The following KCNH1 variants were observed in gnomAD, a reference collection of about 807,000 sequenced individuals.
KCNH1 encodes voltage-gated delayed rectifier potassium channel KCNH1.
In KCNH1, 27 loss-of-function variants were observed where a neutral mutation model predicts 69.2. The ratio of observed to expected loss-of-function variants is 0.39; its 90% confidence interval spans 0.29 to 0.54. KCNH1 has a LOEUF of 0.54. Among genes scored for constraint, KCNH1 ranks in the 20% least tolerant of loss-of-function variants. KCNH1 has a pLI of 0.68. For synonymous variants in KCNH1, 456 were observed against 487.7 expected, an observed-to-expected ratio of 0.93 and a Z score of 0.86; for missense variants, 798 against 1,261.6, an observed-to-expected ratio of 0.63 and a Z score of 5.57.
At chr1:210,820,958 T>C (rs1310698948) in intron 7 of KCNH1, among the ~76,000 whole-genome samples, 2 of 152,162 alleles carry the variant, frequency 1.3e-5, no homozygotes, top group East Asian at 3.9e-4. Flanking sequence ...TCCGGAACTA[T>C]AAGGGAATAA....
intron 6 of KCNH1, among the ~76,000 whole-genome samples, chr1:210,990,079 C>G (rs1038925703): frequency 1.3e-5 from 2 of 152,202 alleles, no homozygotes; most frequent in African/African-American, 4.8e-5. Context: ...ATCTCCCCCA[C>G]CACATCCAAT....
At chr1:210,751,590 G>A (rs967284424) in intron 10 of KCNH1, among the ~76,000 whole-genome samples, 7 of 152,062 alleles carry the variant, frequency 4.6e-5, no homozygotes. Context: ...TGGTGTAGTG[G>A]GTAGGGGCCA....
At chr1:211,045,456 C>T (rs1690081245) in intron 5 of KCNH1, among the ~76,000 whole-genome samples, 1 of 151,896 alleles carries the variant, frequency 6.6e-6, no homozygotes, top group African/African-American at 2.4e-5. Flanking sequence ...AGCTGAAGAA[C>T]AAATTAAGCC....
intron 10 of KCNH1, among the ~76,000 whole-genome samples, chr1:210,697,436 A>C (rs1198370879): frequency 1.3e-5 from 2 of 152,118 alleles, no homozygotes; most frequent in Non-Finnish European, 1.5e-5. Flanking sequence ...GGGGGTTGAG[A>C]GTTCAACTTT....
At chr1:211,083,671 G>C (rs1237030439) in intron 4 of KCNH1, among the ~76,000 whole-genome samples, 1 of 152,186 alleles carries the variant, frequency 6.6e-6, no homozygotes, top group Non-Finnish European at 1.5e-5. Flanking sequence ...CCAGGCTTGG[G>C]TTTTAGGAGC....
At chr1:211,045,911 A>C (rs557163080) in intron 5 of KCNH1, among the ~76,000 whole-genome samples, 1 of 152,250 alleles carries the variant, frequency 6.6e-6, no homozygotes, top group African/African-American at 2.4e-5. Flanking sequence ...TTTTGGGTTA[A>C]TAATACAAGA....
intron 6 of KCNH1, among the ~76,000 whole-genome samples, chr1:210,947,442 G>C (rs2102595021): frequency 6.6e-6 from 1 of 152,090 alleles, no homozygotes; most frequent in East Asian, 1.9e-4. Context: ...AGGCATGGTG[G>C]CGGGCACCTG....
At chr1:211,034,424 G>A (rs114441082) in intron 5 of KCNH1, among the ~76,000 whole-genome samples, 1 of 150,524 alleles carries the variant, frequency 6.6e-6, no homozygotes, top group Non-Finnish European at 1.5e-5. Context: ...AGGAGTAAGG[G>A]CAGGAAGGAA....
In KCNH1 at chr1:211,026,026, A is replaced by C. The variant is rs189962495; in HGVS notation, c.559-6770T>G. Reference sequence around the variant, plus strand: ...GCCCCCTGGACTCACTTTGTCTCTCAAACTGTCTTTTCTCATTCCTTTGAC... The same window carrying C: ...GCCCCCTGGACTCACTTTGTCTCTCCAACTGTCTTTTCTCATTCCTTTGAC... On this transcript the variant is annotated intron_variant, in intron 5 of 10. Transcript: ENST00000271751. Among the ~76,000 whole-genome samples, 58 of 152,198 alleles carry C rather than the reference A, an allele frequency of 3.8e-4. No individual in the cohort carries two copies. In the South Asian group the frequency reaches 4.1e-3, roughly 11 times the overall value.
At chr1:210,955,502 A>G (rs891444545) in intron 6 of KCNH1, among the ~76,000 whole-genome samples, 1 of 152,086 alleles carries the variant, frequency 6.6e-6, no homozygotes, top group African/African-American at 2.4e-5. Flanking sequence ...CAGTATGGCC[A>G]TTTTCACGAT....
chr1:210,721,273 A>G (rs1682447577), intron 10 of KCNH1, among the ~76,000 whole-genome samples: 1 of 152,172 alleles, frequency 6.6e-6, no homozygotes, highest in African/African-American at 2.4e-5. Flanking sequence ...TGCATAACCC[A>G]GGCCCTACTG....
chr1:210,916,951 C>T (rs1032267550), intron 7 of KCNH1, among the ~76,000 whole-genome samples: 1 of 151,964 alleles, frequency 6.6e-6, no homozygotes, highest in South Asian at 2.1e-4. Context: ...AGTTCAAGAC[C>T]AGCCTGGCCA....
intron 5 of KCNH1, among the ~76,000 whole-genome samples, chr1:211,082,245 T>C (rs1267829674): frequency 6.6e-6 from 1 of 152,240 alleles, no homozygotes; most frequent in Non-Finnish European, 1.5e-5. Context: ...ATTTAATGTA[T>C]ACACTATTCC....
At chr1:211,007,467 C>T (rs1402903855) in intron 6 of KCNH1, among the ~76,000 whole-genome samples, 1 of 152,240 alleles carries the variant, frequency 6.6e-6, no homozygotes, top group African/African-American at 2.4e-5. Flanking sequence ...TCCTTCTCCC[C>T]TAGCCCCACA....
rs539852198 is a variant in KCNH1 at position 211,107,196 on chromosome 1, C to A, written c.203+58G>T. Reference sequence around the variant, plus strand: ...ATTCCCGAATGCAGTAAACCATTTTCTTTTTCCAAAAGATACCATAATAGA... The same window carrying A: ...ATTCCCGAATGCAGTAAACCATTTTATTTTTCCAAAAGATACCATAATAGA... On this transcript the variant is annotated intron_variant, in intron 2 of 10. Transcript: ENST00000271751. The A allele has an allele frequency of 5.6e-6, 9 of 1,596,394 alleles. No individual in the cohort carries two copies. The East Asian group carries it at 2.0e-4, about 36-fold the overall frequency.
rs186729115 is a variant in KCNH1 at position 210,943,134 on chromosome 1, G to A, written c.1033-23065C>T. On this transcript the variant is annotated intron_variant, in intron 6 of 10. Transcript: ENST00000271751. ...TATGTGAATGTAGTAATGAACTGTTGGACAAGCCGCCATGAGGATGAGTTC... is the reference window on the plus strand; with the variant it reads ...TATGTGAATGTAGTAATGAACTGTTAGACAAGCCGCCATGAGGATGAGTTC... Among the ~76,000 whole-genome samples, 40 of 152,142 alleles carry A rather than the reference G, an allele frequency of 2.6e-4. No individual in the cohort carries two copies. In the East Asian group the frequency reaches 7.7e-3, roughly 29 times the overall value.
At chr1:211,073,045 G>T (rs535265069) in intron 5 of KCNH1, among the ~76,000 whole-genome samples, 89 of 152,282 alleles carry the variant, frequency 5.8e-4, no homozygotes, top group Non-Finnish European at 8.7e-4. Context: ...GATATATCAT[G>T]CTAAAAGTAA....
intron 6 of KCNH1, among the ~76,000 whole-genome samples, chr1:210,989,000 C>T (rs780814399): frequency 8.5e-5 from 13 of 152,184 alleles, no homozygotes; most frequent in Non-Finnish European, 1.9e-4. Context: ...TTCAATGTAG[C>T]TCCTTAGATA....
intron 7 of KCNH1, among the ~76,000 whole-genome samples, chr1:210,886,308 T>C (rs553521253): frequency 5.4e-4 from 82 of 152,098 alleles, no homozygotes; most frequent in Admixed American, 1.2e-3. Context: ...AGCAGCCTGA[T>C]TGATAGAAGG....
Sources: gnomAD v4.1 joint callset for allele counts (sites outside exome capture counted in the v4.1 genomes callset) on GRCh38, gnomAD v4.1.1 for gene constraint, MANE v1.5 for transcripts, NCBI Gene and HGNC (gene_info 2026-07-23, HGNC 2026-07-21) for gene names.